PDZD8: variants seen among roughly 807,000 people sequenced by gnomAD.
The protein encoded by PDZD8 is PDZ domain containing 8.
In PDZD8, 14 loss-of-function variants were observed where a neutral mutation model predicts 85.8. That is an observed-to-expected ratio of 0.16 (90% confidence interval 0.11 to 0.26). The LOEUF (loss-of-function observed/expected upper bound fraction) is 0.26. Among genes scored for constraint, PDZD8 ranks in the 10% least tolerant of loss-of-function variants. The probability of loss-of-function intolerance (pLI) is 1.00; values close to 1 mark genes in which losing one functional copy is unlikely to be tolerated. For missense variants in PDZD8, 1,197 were observed against 1,424.3 expected (o/e 0.84, Z 2.57); for synonymous variants, 592 against 568.6 (o/e 1.04, Z -0.59).
intron 2 of PDZD8, among the ~76,000 whole-genome samples, chr10:117,340,332 G>A (rs1047699933): frequency 3.9e-5 from 6 of 152,162 alleles, no homozygotes; most frequent in African/African-American, 1.4e-4. Context: ...AGAACTCTGC[G>A]AAGTCAGTTT....
chr10:117,344,703 C>T (rs966654124), intron 1 of PDZD8, among the ~76,000 whole-genome samples: 3 of 152,086 alleles, frequency 2.0e-5, no homozygotes, highest in African/African-American at 7.2e-5. Context: ...TGCTAGACTT[C>T]TATTGCCAGG....
At chr10:117,373,480 G>C (rs1380534127) in intron 1 of PDZD8, among the ~76,000 whole-genome samples, 1 of 151,940 alleles carries the variant, frequency 6.6e-6, no homozygotes, top group Non-Finnish European at 1.5e-5. Flanking sequence ...TTCCCGGGCC[G>C]GGCGCGGTGG....
rs1292651562 is a variant in PDZD8 at position 117,367,543 on chromosome 10, A to C, written c.872+6813T>G. 3.3e-5 allele frequency among the ~76,000 whole-genome samples: 5 copies of C among 152,380 alleles called. No homozygotes were observed. In the East Asian group the frequency reaches 9.6e-4, roughly 29 times the overall value. ...ATTATTCTCCATCTAAAGTGTTTTA[A>C]AAGCTGAAATTAAAATAATTCAAAG... is the stretch of plus-strand genomic sequence containing the variant. On this transcript the variant is annotated intron_variant, in intron 1 of 4. Transcript: ENST00000334464.
chr10:117,331,143 A>G (rs531987450), intron 2 of PDZD8, among the ~76,000 whole-genome samples: 2 of 152,314 alleles, frequency 1.3e-5, no homozygotes, highest in Admixed American at 6.5e-5. Context: ...ACTGAGCTCC[A>G]TATTTTTTGT....
At chr10:117,351,559 C>T (rs1844805934) in intron 1 of PDZD8, among the ~76,000 whole-genome samples, 1 of 152,102 alleles carries the variant, frequency 6.6e-6, no homozygotes, top group Non-Finnish European at 1.5e-5. Context: ...TGGTAACACT[C>T]TGTTGCTTGT....
intron 2 of PDZD8, among the ~76,000 whole-genome samples, chr10:117,325,188 G>A (rs574044237): frequency 2.6e-5 from 4 of 152,018 alleles, no homozygotes; most frequent in South Asian, 2.1e-4. Flanking sequence ...CAGCCCAGCC[G>A]GTGGTCTTAT....
At chr10:117,359,783 A>G (rs2133877021) in intron 1 of PDZD8, among the ~76,000 whole-genome samples, 1 of 152,298 alleles carries the variant, frequency 6.6e-6, no homozygotes, top group East Asian at 1.9e-4. Context: ...GTATTTCTGC[A>G]TCAAGTTTTA....
In PDZD8 at chr10:117,283,388, T is replaced by G. The variant is rs1215425781; in HGVS notation, c.3345A>C (p.Lys1115Asn). Reference protein sequence around the residue: ...ESLSLDQHSKKISKYTDDTEE... With the variant: ...ESLSLDQHSKNISKYTDDTEE... ...CTGTATCATCTGTGTACTTGCTTAT[T>G]TTTTTGGAGTGCTGGTCTAAAGACA... The change falls in exon 5 of 5, where the codon AAA (lysine) becomes AAC (asparagine). Residue 1115 changes from lysine to asparagine, a missense_variant. Lys to Asn is a moderately conservative substitution (Grantham distance 94). Around this residue, in one of 4 missense-constraint regions of PDZD8, gnomAD observed 418 missense variants for 571.1 expected, o/e 0.73. Transcript: ENST00000334464. The G allele has an allele frequency of 6.2e-7, 1 of 1,614,040 alleles. No homozygotes were observed. The highest frequency in any genetic ancestry group is 1.3e-5 in the African/African-American group (1 of 74,934).
At position 117,277,573 on chromosome 10, in the gene PDZD8, C is replaced by A; in HGVS notation, c.*5695G>T. ...AATCTATAAATATTTGAATCCAAAC[C>A]AAATATAATTTTTTAACTTACATTA... On this transcript the variant is annotated 3_prime_UTR_variant, in exon 5 of 5. Coordinates refer to ENST00000334464, the MANE Select transcript of PDZD8 (RefSeq NM_173791.5). The A allele has an allele frequency of 6.0e-6, 1 of 165,626 alleles. No homozygotes were observed. 10.3% of individuals were successfully genotyped at this position (165,626 alleles called of 1,614,324 possible). A position where few individuals can be genotyped will look rare whatever the true frequency, so the allele number is the denominator to read the frequency against.
rs562185451 is a variant in PDZD8, at chr10:117,280,637, C to A, written c.*2631G>T. 6.6e-6 allele frequency: 1 copy of A among 152,214 alleles called. No individual in the cohort carries two copies. The highest frequency in any genetic ancestry group is 2.4e-5 in the African/African-American group (1 of 41,528). The allele number at this position is 152,214 out of a possible 1,614,324, so 9.4% of individuals were successfully genotyped here. The stretch of plus-strand genomic sequence containing the variant: ...TACTCTAGGCTATTTGGAGTGTTCC[C>A]CCACTTGCACTAAAGTACAACTATG... On this transcript the variant is annotated 3_prime_UTR_variant, in exon 5 of 5. Transcript: ENST00000334464.
At chr10:117,319,535 G>A (rs1473169716) in intron 2 of PDZD8, among the ~76,000 whole-genome samples, 1 of 151,890 alleles carries the variant, frequency 6.6e-6, no homozygotes, top group African/African-American at 2.4e-5. Context: ...ACTTACCTCT[G>A]AGAACTGTTG....
intron 3 of PDZD8, among the ~76,000 whole-genome samples, chr10:117,291,301 T>C (rs1015188817): frequency 1.3e-5 from 2 of 151,302 alleles, no homozygotes; most frequent in Non-Finnish European, 2.9e-5. Context: ...GAGGCCGAGG[T>C]GGGCGGATCA....
intron 3 of PDZD8, among the ~76,000 whole-genome samples, chr10:117,303,335 T>C (rs1843879530): frequency 6.6e-6 from 1 of 152,134 alleles, no homozygotes; most frequent in African/African-American, 2.4e-5. Flanking sequence ...ATTTTGAACT[T>C]GAGAAAGATG....
chr10:117,335,353 A>G (rs1253211423), intron 2 of PDZD8, among the ~76,000 whole-genome samples: 2 of 152,228 alleles, frequency 1.3e-5, no homozygotes, highest in African/African-American at 2.4e-5. Context: ...ATACCAGATG[A>G]CAATTTTGAT....
chr10:117,309,680 C>T (rs1039889913), intron 3 of PDZD8, among the ~76,000 whole-genome samples: 5 of 152,106 alleles, frequency 3.3e-5, no homozygotes, highest in Admixed American at 3.3e-4. Flanking sequence ...CAGGTCTTTA[C>T]CCTATCAAAT....
chr10:117,288,848 G>A (rs1238068206), intron 4 of PDZD8, among the ~76,000 whole-genome samples: 1 of 152,148 alleles, frequency 6.6e-6, no homozygotes, highest in Non-Finnish European at 1.5e-5. Context: ...GTCAAGGGAT[G>A]ACTTTTGCTT....
rs1041458122 is a variant in PDZD8, at chr10:117,319,515, C to T, written c.996-541G>A. On this transcript the variant is annotated intron_variant, in intron 2 of 4. Transcript: ENST00000334464. ...CAACTCCTCCTCTAGAAACTCTGGG[C>T]AAAAATAGTACTTACCTCTGAGAAC... Among the ~76,000 whole-genome samples the T allele has an allele frequency of 2.6e-5, 4 of 151,886 alleles. No individual in the cohort carries two copies. The East Asian group carries it at 7.7e-4, about 29-fold the overall frequency.
At chr10:117,309,394 T>TA (rs57766522) in intron 3 of PDZD8, among the ~76,000 whole-genome samples, 1,059 of 58,764 alleles carry the variant, frequency 0.018, 10 homozygotes, top group African/African-American at 0.042. Flanking sequence ...CAGTAAAAAT[T>TA]AAAAAAAAAA....
chr10:117,328,519 C>T (rs553549914), intron 2 of PDZD8, among the ~76,000 whole-genome samples: 1 of 152,022 alleles, frequency 6.6e-6, no homozygotes, highest in South Asian at 2.1e-4. Context: ...TTAAGCAATC[C>T]TCTCACCTCA....
Sources: gnomAD v4.1 joint callset for allele counts (sites outside exome capture counted in the v4.1 genomes callset) on GRCh38, gnomAD v4.1.1 for gene constraint, gnomAD v4.1.1 regional missense constraint, MANE v1.5 for transcripts, NCBI Gene and HGNC (gene_info 2026-07-23, HGNC 2026-07-21) for gene names.